Variants in SORBS2 observed in about 807,000 individuals in gnomAD.
The protein encoded by SORBS2 is sorbin and SH3 domain containing 2.
SORBS2 carries 46 observed loss-of-function variants against 97.7 expected under a neutral mutation model. That is an observed-to-expected ratio of 0.47 (90% confidence interval 0.37 to 0.60). The LOEUF is 0.60. Ranked by LOEUF, SORBS2 falls within the 20% of genes least tolerant of loss-of-function variation. The probability of loss-of-function intolerance (pLI) is 0.00; values close to 1 mark genes in which losing one functional copy is unlikely to be tolerated. For synonymous variants in SORBS2, 476 were observed against 473.4 expected (o/e 1.01, Z -0.07); for missense variants, 1,316 against 1,282.3 (o/e 1.03, Z -0.40).
chr4:185,955,564 A>T (rs976496064), intron 1 of SORBS2, among the ~76,000 whole-genome samples: 3 of 152,236 alleles, frequency 2.0e-5, no homozygotes, highest in Non-Finnish European at 4.4e-5. Context: ...TTACTCTAAC[A>T]TATTAAATTA....
rs182808373 is a variant in SORBS2, at chr4:185,652,592, C to T, written c.91+70G>A. ...TCTTGACATTGTGTGTGAATCAAAC[C>T]GATGCAAAAGACGAATGTAGTCCCT... On this transcript the variant is annotated intron_variant, in intron 2 of 14. Coordinates refer to ENST00000418609, the Ensembl canonical transcript of SORBS2. The T allele has an allele frequency of 2.7e-5, 32 of 1,200,836 alleles. No homozygotes were observed. In the East Asian group the frequency reaches 3.7e-4, roughly 14 times the overall value. The allele number at this position is 1,200,836 out of a possible 1,614,324, so 74.4% of individuals were successfully genotyped here.
chr4:185,870,224 G>A (rs971641473), intron 1 of SORBS2, among the ~76,000 whole-genome samples: 2 of 152,162 alleles, frequency 1.3e-5, no homozygotes, highest in Non-Finnish European at 2.9e-5. Flanking sequence ...GAGATCTACT[G>A]CAAATAAACA....
intron 2 of SORBS2, among the ~76,000 whole-genome samples, chr4:185,735,116 A>G (rs958472634): frequency 2.6e-5 from 4 of 152,290 alleles, no homozygotes; most frequent in Admixed American, 6.5e-5. Context: ...GGATTGACCT[A>G]ATGAGCAGGA....
At chr4:185,675,139 A>T (rs1473291143) in intron 4 of SORBS2, 3 of 152,212 alleles carry the variant, frequency 2.0e-5, no homozygotes, top group African/African-American at 7.2e-5. Context: ...TAATCAAACT[A>T]ACCGTCTCTG....
At chr4:185,667,687 GAT>G (rs887494705) in intron 4 of SORBS2, among the ~76,000 whole-genome samples, 62 of 7,126 alleles carry the variant, frequency 8.7e-3, no homozygotes, top group African/African-American at 9.6e-3. Flanking sequence ...TTTTAAATGT[GAT>G]ATATATATAT....
At chr4:185,799,570 G>A (rs1190554504) in intron 1 of SORBS2, among the ~76,000 whole-genome samples, 1 of 152,190 alleles carries the variant, frequency 6.6e-6, no homozygotes, top group African/African-American at 2.4e-5. Flanking sequence ...AGTGGCAGAA[G>A]CAGCCGCCCA....
Position 185,618,123 on chromosome 4 carries a change from T to C in SORBS2, c.2351+462A>G, listed in dbSNP as rs1406311530. Among the ~76,000 whole-genome samples the C allele has an allele frequency of 2.0e-5, 3 of 152,094 alleles. No homozygotes were observed. The East Asian group carries it at 5.8e-4, about 29-fold the overall frequency. On this transcript the variant is annotated intron_variant, in intron 9 of 14. Coordinates refer to ENST00000418609, the Ensembl canonical transcript of SORBS2. ...GAGTAGCTGGGACTATACAGGTGTA[T>C]GCCCCCATGCCTAGCTAATTTTTGT...
chr4:185,602,672 G>A (rs1403419466), intron 12 of SORBS2, among the ~76,000 whole-genome samples: 1 of 152,120 alleles, frequency 6.6e-6, no homozygotes, highest in Non-Finnish European at 1.5e-5. Flanking sequence ...TTCAGTGCTG[G>A]GTTATTTCTT....
chr4:185,889,444 AT>A lies in SORBS2; in HGVS notation c.-338+66751del, dbSNP rs202166226. Among the ~76,000 whole-genome samples the A allele has an allele frequency of 7.3e-5, 11 of 150,670 alleles. No homozygotes were observed. The South Asian group carries it at 2.1e-3, about 29-fold the overall frequency. ...CCTGGTCTCCGTGTTCACCTCTGCT[AT>A]TTTTTTTCAAATTCATTAGTGATTT... On this transcript the variant is annotated intron_variant, in intron 1 of 20. Transcript: ENST00000284776.
chr4:185,645,145 G>A (rs1465776399), intron 4 of SORBS2, among the ~76,000 whole-genome samples: 2 of 152,036 alleles, frequency 1.3e-5, no homozygotes, highest in African/African-American at 2.4e-5. Context: ...CTGACACCAC[G>A]GCTACCAAAG....
intron 2 of SORBS2, among the ~76,000 whole-genome samples, chr4:185,769,084 A>G (rs559094800): frequency 3.1e-3 from 269 of 86,874 alleles, no homozygotes; most frequent in South Asian, 5.5e-3. Context: ...AGTACCAGGG[A>G]AAAAAAAAAG....
chr4:185,657,709 C>A (rs543497692), upstream of SORBS2: 203 of 968,218 alleles, frequency 2.1e-4, 1 homozygote, highest in South Asian at 3.2e-3. Flanking sequence ...ATTGCCATCA[C>A]TGTCCCTTTT....
intron 4 of SORBS2, among the ~76,000 whole-genome samples, chr4:185,642,581 C>T (rs2097144497): frequency 6.6e-6 from 1 of 152,142 alleles, no homozygotes; most frequent in South Asian, 2.1e-4. Flanking sequence ...TTCCTGGTGA[C>T]TGCTAAGTAC....
intron 3 of SORBS2, among the ~76,000 whole-genome samples, chr4:185,648,173 G>T (rs2097248368): frequency 6.6e-6 from 1 of 151,812 alleles, no homozygotes; most frequent in Non-Finnish European, 1.5e-5. Context: ...TGTTGGCCAG[G>T]CCAGTCTTGA....
At chr4:185,670,048 G>T (rs187442528) in intron 4 of SORBS2, among the ~76,000 whole-genome samples, 1 of 152,016 alleles carries the variant, frequency 6.6e-6, no homozygotes, top group South Asian at 2.1e-4. Flanking sequence ...GTGAAACCCC[G>T]TCTCTACTAA....
At chr4:185,693,332 T>C (rs944419827) in intron 2 of SORBS2, among the ~76,000 whole-genome samples, 1 of 152,174 alleles carries the variant, frequency 6.6e-6, no homozygotes, top group Admixed American at 6.5e-5. Context: ...ACCGCCTGTA[T>C]TGAGGGATAC....
intron 2 of SORBS2, among the ~76,000 whole-genome samples, chr4:185,703,098 T>C (rs1225972827): frequency 1.3e-5 from 2 of 152,228 alleles, no homozygotes; most frequent in Non-Finnish European, 2.9e-5. Context: ...TTGTCTGCTT[T>C]ACTTAACTCC....
chr4:185,613,318 G>A (rs2096571069), intron 11 of SORBS2, among the ~76,000 whole-genome samples: 1 of 152,158 alleles, frequency 6.6e-6, no homozygotes, highest in Non-Finnish European at 1.5e-5. Flanking sequence ...GGTTGATTTT[G>A]TGTGCTTCAC....
intron 6 of SORBS2, among the ~76,000 whole-genome samples, chr4:185,624,944 A>G (rs768591735): frequency 6.6e-6 from 1 of 152,224 alleles, no homozygotes; most frequent in Non-Finnish European, 1.5e-5. Flanking sequence ...TTTGATTCGT[A>G]ATGATACATA....
Sources: gnomAD v4.1 joint callset for allele counts (sites outside exome capture counted in the v4.1 genomes callset) on GRCh38, gnomAD v4.1.1 for gene constraint, MANE v1.5 for transcripts, NCBI Gene and HGNC (gene_info 2026-07-23, HGNC 2026-07-21) for gene names.